The following TIAM2 variants were observed in gnomAD, a reference collection of about 807,000 sequenced individuals.
TIAM2 encodes the protein rho guanine nucleotide exchange factor TIAM2.
TIAM2 carries 80 observed loss-of-function variants against 152.9 expected under a neutral mutation model. That is an observed-to-expected ratio of 0.52 (90% confidence interval 0.44 to 0.63). TIAM2 has a LOEUF of 0.63. TIAM2 is among the 30% of genes least tolerant of loss of function. The pLI is 0.00. For synonymous variants in TIAM2, 804 were observed against 838.0 expected (o/e 0.96, Z 0.70); for missense variants, 1,965 against 2,120.1 (o/e 0.93, Z 1.44).
chr6:155,026,690 G>T (rs1776609931), intron 1 of TIAM2, among the ~76,000 whole-genome samples: 1 of 152,212 alleles, frequency 6.6e-6, no homozygotes, highest in South Asian at 2.1e-4. Context: ...GTTTGGAGCT[G>T]GTGCTCACCT....
chr6:155,169,048 T>C, intron 9 of TIAM2: 1 of 819,832 alleles, frequency 1.2e-6, no homozygotes, highest in Non-Finnish European at 1.8e-6. Context: ...CAGGCTGGAG[T>C]GCAGTGGCAC....
At chr6:155,062,681 C>T (rs1373188654) in intron 1 of TIAM2, among the ~76,000 whole-genome samples, 4 of 151,104 alleles carry the variant, frequency 2.6e-5, no homozygotes, top group South Asian at 2.1e-4. Flanking sequence ...TGAGTTCATG[C>T]GATTCTCCTG....
chr6:155,112,125 CTTT>C lies in TIAM2; in HGVS notation c.-117-15349_-117-15347del, dbSNP rs34148436. Among the ~76,000 whole-genome samples the C allele has an allele frequency of 8.3e-3, 1,086 of 131,370 alleles. 7 individuals carry two copies. The highest frequency in any genetic ancestry group is 0.012 in the Non-Finnish European group (768 of 62,030). 86.2% of individuals were successfully genotyped at this position (131,370 alleles called of 152,430 possible). A position where few individuals can be genotyped will look rare whatever the true frequency, so the allele number is the denominator to read the frequency against. ...GTGCCACATACTCTCTTGGTTTCCTCTTTTTTTTTTTTTTTTTTGAGATGGAGT... is the reference window on the plus strand; with the variant it reads ...GTGCCACATACTCTCTTGGTTTCCTCTTTTTTTTTTTTTTTGAGATGGAGT... On this transcript the variant is annotated intron_variant, in intron 2 of 26. Coordinates refer to ENST00000682666, the MANE Select transcript of TIAM2 (RefSeq NM_012454.4).
chr6:155,110,422 T>C lies in TIAM2; in HGVS notation c.-117-17068T>C, dbSNP rs540039562. Reference sequence around the variant, plus strand: ...TGGTTTACCTGTCTGTTTAAAGCTCTAGTAGAGAAAAGGGCTTTTGCTTTT... The same window carrying C: ...TGGTTTACCTGTCTGTTTAAAGCTCCAGTAGAGAAAAGGGCTTTTGCTTTT... On this transcript the variant is annotated intron_variant, in intron 2 of 26. Coordinates refer to ENST00000682666, the MANE Select transcript of TIAM2 (RefSeq NM_012454.4). Among the ~76,000 whole-genome samples, 16 of 151,950 alleles carry C rather than the reference T, an allele frequency of 1.1e-4. No individual in the cohort carries two copies. In the East Asian group the frequency reaches 2.9e-3, roughly 28 times the overall value.
intron 2 of TIAM2, among the ~76,000 whole-genome samples, chr6:155,110,309 C>CTTTCT (rs780119010): frequency 1.3e-5 from 1 of 77,332 alleles, no homozygotes; most frequent in African/African-American, 5.3e-5. Context: ...TTCCTTTCCT[C>CTTTCT]TTTCTTTTCT....
chr6:155,062,564 TTTTTTCTTTTC>T (rs1004546446), intron 1 of TIAM2, among the ~76,000 whole-genome samples: 13 of 150,022 alleles, frequency 8.7e-5, no homozygotes, highest in Admixed American at 3.4e-4. Context: ...GTGGTTTCTT[TTTTTTCTTTTC>T]TTTTTCTTTT....
chr6:155,234,047 T>C (rs1327557947), intron 15 of TIAM2, among the ~76,000 whole-genome samples: 1 of 152,030 alleles, frequency 6.6e-6, no homozygotes, highest in African/African-American at 2.4e-5. Context: ...CCAGATAGCA[T>C]AATTTTTGGA....
rs528514561 is a variant in TIAM2, at chr6:155,169,378, A to G, written c.2361+3969A>G. Among the ~76,000 whole-genome samples, 298 of 152,344 alleles carry G rather than the reference A, an allele frequency of 2.0e-3. 1 individual carries two copies. Among genetic ancestry groups the G allele is most frequent in the African/African-American group, 6.8e-3 (284 of 41,582 alleles). On this transcript the variant is annotated intron_variant, in intron 9 of 26. Transcript: ENST00000682666. ...ATAGATTTATAATTAAAATGGTCCC[A>G]GTAGGTATTCTCTAAAGAGATAGTC...
chr6:155,128,461 T>G (rs1022052767), intron 3 of TIAM2, among the ~76,000 whole-genome samples: 3 of 152,300 alleles, frequency 2.0e-5, no homozygotes, highest in African/African-American at 7.2e-5. Flanking sequence ...AGATTTTAGC[T>G]CTACCAGTAG....
intron 1 of TIAM2, among the ~76,000 whole-genome samples, chr6:155,019,240 A>G (rs1776413842): frequency 1.3e-5 from 2 of 152,042 alleles, no homozygotes; most frequent in Admixed American, 6.6e-5. Context: ...AGGCTGAGAC[A>G]GGAGAATCAT....
At chr6:155,182,372 C>A in intron 13 of TIAM2, 54 bp downstream of exon 13, 1 of 1,418,756 alleles carries the variant, frequency 7.0e-7, no homozygotes, top group Non-Finnish European at 9.9e-7. Flanking sequence ...CTGTGGGATA[C>A]AGTCTGGCTA....
At chr6:155,123,447 T>C (rs1459246516) in intron 2 of TIAM2, among the ~76,000 whole-genome samples, 1 of 152,338 alleles carries the variant, frequency 6.6e-6, no homozygotes, top group South Asian at 2.1e-4. Context: ...AGGTGTCTAT[T>C]GAGTGCTTAT....
chr6:155,016,417 A>G (rs1583151042), intron 1 of TIAM2: 1 of 152,094 alleles, frequency 6.6e-6, no homozygotes, highest in Non-Finnish European at 1.5e-5. Flanking sequence ...GGATAAAAAA[A>G]TTATTGTGTA....
intron 1 of TIAM2, among the ~76,000 whole-genome samples, chr6:155,076,856 T>A (rs1406916102): frequency 6.6e-6 from 1 of 152,146 alleles, no homozygotes. Flanking sequence ...CCGCCATGCC[T>A]GGCTAATTTT....
intron 2 of TIAM2, among the ~76,000 whole-genome samples, chr6:155,122,849 CT>C (rs34773829): frequency 0.35 from 50,341 of 142,730 alleles, 10,274 homozygotes; most frequent in African/African-American, 0.59. Flanking sequence ...TTTTAAAGTA[CT>C]TTTTTTTTTT....
At chr6:155,207,019 T>C (rs992245230) in intron 14 of TIAM2, among the ~76,000 whole-genome samples, 2 of 152,148 alleles carry the variant, frequency 1.3e-5, no homozygotes, top group African/African-American at 4.8e-5. Flanking sequence ...CCCTAAAACA[T>C]GTTGCACTGT....
intron 14 of TIAM2, among the ~76,000 whole-genome samples, chr6:155,193,754 T>G (rs1402100067): frequency 6.6e-6 from 1 of 152,178 alleles, no homozygotes; most frequent in Non-Finnish European, 1.5e-5. Context: ...TTTTTGCTGC[T>G]CCATTGAGGA....
intron 4 of TIAM2, among the ~76,000 whole-genome samples, chr6:155,134,311 T>C (rs1048266002): frequency 1.3e-5 from 2 of 152,088 alleles, no homozygotes; most frequent in African/African-American, 4.8e-5. Context: ...GGATTCTAGA[T>C]AAAAAGATTT....
At position 155,153,378 on chromosome 6, in the gene TIAM2, T is replaced by TGGAGGTTCATTTGAGGCC. The variant is rs1780020295; in HGVS notation, c.2028+5045_2028+5062dup. 2.0e-5 allele frequency among the ~76,000 whole-genome samples: 3 copies of TGGAGGTTCATTTGAGGCC among 151,778 alleles called. No homozygotes were observed. The South Asian group carries it at 6.2e-4, about 32-fold the overall frequency. On this transcript the variant is annotated intron_variant, in intron 7 of 26. Transcript: ENST00000682666. ...TCCCAGTACTTTGGGAGGCTGAGGCTGGAGGTTCATTTGAGGCCAGGAGCT... is the reference window on the plus strand; with the variant it reads ...TCCCAGTACTTTGGGAGGCTGAGGCTGGAGGTTCATTTGAGGCCGGAGGTTCATTTGAGGCCAGGAGCT...
Sources: gnomAD v4.1 joint callset for allele counts (sites outside exome capture counted in the v4.1 genomes callset) on GRCh38, gnomAD v4.1.1 for gene constraint, MANE v1.5 for transcripts, NCBI Gene and HGNC (gene_info 2026-07-23, HGNC 2026-07-21) for gene names.